AFAP1: variants seen among roughly 807,000 people sequenced by gnomAD.
AFAP1 encodes the protein actin filament associated protein 1.
Under a neutral mutation model 93.9 loss-of-function variants are expected in AFAP1, and 75 were observed. That is an observed-to-expected ratio of 0.80 (90% CI 0.66 to 0.97). The LOEUF is 0.97. AFAP1 is among the 50% of genes least tolerant of loss of function. The pLI is 0.00. For missense variants in AFAP1, 1,201 were observed against 1,050.8 expected (o/e 1.14, Z -1.98); for synonymous variants, 517 against 430.7 (o/e 1.20, Z -2.48).
At chr4:7,862,211 T>G (rs1017121935) in intron 3 of AFAP1, 1 of 152,130 alleles carries the variant, frequency 6.6e-6, no homozygotes, top group Non-Finnish European at 1.5e-5. Flanking sequence ...TGTACATCTG[T>G]AGTCCCAGCT....
At chr4:7,817,410 G>A (rs189263691) in intron 7 of AFAP1, among the ~76,000 whole-genome samples, 97 of 152,296 alleles carry the variant, frequency 6.4e-4, no homozygotes, top group African/African-American at 2.0e-3. Context: ...AGACCAGCCT[G>A]ACCAACATGG....
At chr4:7,879,698 G>GC (rs1717730636) in intron 1 of AFAP1, among the ~76,000 whole-genome samples, 1 of 101,664 alleles carries the variant, frequency 9.8e-6, no homozygotes, top group African/African-American at 3.3e-5. Context: ...CTGCTTGCTT[G>GC]CTTTTTTTTT....
chr4:7,900,664 G>A (rs967184343), intron 1 of AFAP1, among the ~76,000 whole-genome samples: 3 of 152,110 alleles, frequency 2.0e-5, no homozygotes, highest in African/African-American at 4.8e-5. Context: ...CTTCTGAAAG[G>A]GTACCTTGTA....
At chr4:7,811,553 C>T (rs1219688663) in intron 8 of AFAP1, among the ~76,000 whole-genome samples, 5 of 152,222 alleles carry the variant, frequency 3.3e-5, no homozygotes, top group Admixed American at 6.5e-5. Context: ...CACGCTAGGG[C>T]GGCAGAACAT....
intron 5 of AFAP1, among the ~76,000 whole-genome samples, chr4:7,842,271 CCCA>C (rs1234911681): frequency 1.6e-5 from 2 of 126,896 alleles, no homozygotes; most frequent in Non-Finnish European, 3.3e-5. Context: ...AAAAAAGATT[CCCA>C]CAATTCAAAG....
At chr4:7,930,521 C>G (rs769056277) in intron 1 of AFAP1, among the ~76,000 whole-genome samples, 8 of 152,168 alleles carry the variant, frequency 5.3e-5, no homozygotes, top group Admixed American at 6.5e-5. Context: ...TAATCCTGAA[C>G]CTGTCTAGGG....
Position 7,938,236 on chromosome 4 carries a change from G to A in AFAP1, c.-3+1420C>T, listed in dbSNP as rs370268670. Among the ~76,000 whole-genome samples the A allele has an allele frequency of 4.5e-4, 69 of 152,322 alleles. No homozygotes were observed. In the South Asian group the frequency reaches 0.014, roughly 32 times the overall value. On this transcript the variant is annotated intron_variant, in intron 1 of 17. Coordinates refer to ENST00000420658, the MANE Select transcript of AFAP1 (RefSeq NM_001134647.2). ...CCCGCATGACACGCTAGAGGGCTAG[G>A]AGCCACAGCTGCGGTAATTAGCTCA...
chr4:7,767,427 C>T (rs975631800), intron 17 of AFAP1, among the ~76,000 whole-genome samples: 7 of 152,220 alleles, frequency 4.6e-5, no homozygotes, highest in African/African-American at 1.7e-4. Flanking sequence ...CAGCATCTCT[C>T]ATCTGCGAGT....
intron 1 of AFAP1, among the ~76,000 whole-genome samples, chr4:7,907,908 T>G (rs1719508384): frequency 6.6e-6 from 1 of 152,174 alleles, no homozygotes; most frequent in Non-Finnish European, 1.5e-5. Flanking sequence ...CATTTAAAGT[T>G]AAGTGCTACC....
At chr4:7,864,143 A>AACTGCCCATCACAACACC (rs1560207870) in intron 3 of AFAP1, among the ~76,000 whole-genome samples, 3 of 36,936 alleles carry the variant, frequency 8.1e-5, no homozygotes, top group South Asian at 9.7e-4. Flanking sequence ...ATCACAACAC[A>AACTGCCCATCACAACACC]TTCCCAACTT....
intron 8 of AFAP1, among the ~76,000 whole-genome samples, chr4:7,814,986 C>T (rs1168799559): frequency 4.6e-5 from 7 of 152,200 alleles, no homozygotes; most frequent in African/African-American, 1.7e-4. Context: ...TCACACTAGC[C>T]CGAAGGTGGG....
At chr4:7,821,365 G>A (rs1029518463) in intron 6 of AFAP1, among the ~76,000 whole-genome samples, 2 of 152,154 alleles carry the variant, frequency 1.3e-5, no homozygotes, top group South Asian at 4.1e-4. Flanking sequence ...GATGACCTAT[G>A]ATAAGAGCTC....
intron 2 of AFAP1, among the ~76,000 whole-genome samples, chr4:7,870,182 A>AGGTT (rs1272975508): frequency 6.6e-6 from 1 of 152,186 alleles, no homozygotes; most frequent in East Asian, 1.9e-4. Flanking sequence ...AACCCGTGAA[A>AGGTT]GGTTGCATGT....
chr4:7,779,613 C>G (rs1716537142), intron 13 of AFAP1, among the ~76,000 whole-genome samples: 1 of 152,230 alleles, frequency 6.6e-6, no homozygotes, highest in African/African-American at 2.4e-5. Context: ...ATACAGCTTC[C>G]TTCTGTTGCA....
chr4:7,771,767 G>C lies in AFAP1; in HGVS notation c.2253+1053C>G, dbSNP rs190788534. On this transcript the variant is annotated intron_variant, in intron 16 of 17. Transcript: ENST00000420658. ...GGGTTTGTGGTTTGGGGACAGAGCA[G>C]TGACCTGGCTGCTTGCTCAGCTCTG... Among the ~76,000 whole-genome samples the C allele has an allele frequency of 7.4e-4, 113 of 152,324 alleles. 2 individuals are homozygous for C. The South Asian group carries it at 9.9e-3, about 13-fold the overall frequency.
chr4:7,801,851 C>T (rs1336987753), intron 9 of AFAP1, among the ~76,000 whole-genome samples: 2 of 131,646 alleles, frequency 1.5e-5, no homozygotes, highest in African/African-American at 2.9e-5. Context: ...GAGGCCGGGG[C>T]AGGAAGGTCA....
chr4:7,885,612 A>T (rs545871680), intron 1 of AFAP1, among the ~76,000 whole-genome samples: 9 of 152,346 alleles, frequency 5.9e-5, no homozygotes, highest in African/African-American at 2.2e-4. Flanking sequence ...TGATGTGGAA[A>T]CAAGAACATG....
At chr4:7,835,340 A>G (rs1167102117) in intron 6 of AFAP1, among the ~76,000 whole-genome samples, 7 of 66,400 alleles carry the variant, frequency 1.1e-4, no homozygotes, top group East Asian at 2.5e-4. Flanking sequence ...GGGCGGCCTC[A>G]AGGTTACCTG....
At chr4:7,780,668 T>C (rs1716670918) in intron 13 of AFAP1, among the ~76,000 whole-genome samples, 1 of 151,160 alleles carries the variant, frequency 6.6e-6, no homozygotes, top group South Asian at 2.1e-4. Flanking sequence ...TAAAAAGGCC[T>C]AACACCACAA....
Sources: allele counts gnomAD v4.1 joint callset (sites outside exome capture counted in the v4.1 genomes callset), GRCh38; gene constraint gnomAD v4.1.1; transcripts MANE v1.5; gene names NCBI Gene and HGNC (gene_info 2026-07-23, HGNC 2026-07-21).